Variants in PTPRT observed in about 807,000 individuals in gnomAD.
The protein encoded by PTPRT is protein tyrosine phosphatase receptor type T.
Under a neutral mutation model 176.8 loss-of-function variants are expected in PTPRT, and 56 were observed. The observed-to-expected ratio is 0.32, with a 90% CI of 0.26 to 0.40. The LOEUF (loss-of-function observed/expected upper bound fraction) is 0.40. PTPRT is among the 10% of genes least tolerant of loss of function. The probability of loss-of-function intolerance (pLI) is 1.00; values close to 1 mark genes in which losing one functional copy is unlikely to be tolerated. For missense variants in PTPRT, 1,540 were observed against 1,908.2 expected (o/e 0.81, Z 3.60); for synonymous variants, 783 against 739.0 (o/e 1.06, Z -0.96).
chr20:42,103,380 G>A (rs913488047), intron 25 of PTPRT, among the ~76,000 whole-genome samples: 9 of 152,356 alleles, frequency 5.9e-5, no homozygotes, highest in African/African-American at 1.7e-4. Flanking sequence ...GTCTGGGCCA[G>A]GTCCGAGATT....
At chr20:43,116,268 A>C (rs1188083916) in intron 1 of PTPRT, among the ~76,000 whole-genome samples, 6 of 152,076 alleles carry the variant, frequency 3.9e-5, no homozygotes, top group Admixed American at 3.9e-4. Flanking sequence ...GATACCACTG[A>C]CTCTCAGATA....
rs192112071 is a variant in PTPRT, at chr20:42,132,938, A to G, written c.2771-4108T>C. The stretch of plus-strand genomic sequence containing the variant: ...CAACCAATATGTCCTTCAATAGGTG[A>G]ATGGATAAACAAATTGTGGTGCAGA... On this transcript the variant is annotated intron_variant, in intron 18 of 30. Coordinates refer to ENST00000373187, the MANE Select transcript of PTPRT (RefSeq NM_007050.6). Among the ~76,000 whole-genome samples the G allele has an allele frequency of 1.6e-3, 245 of 152,360 alleles. 1 individual carries two copies. Among genetic ancestry groups the G allele is most frequent in the East Asian group, 1.9e-3 (10 of 5,188 alleles).
chr20:42,586,827 A>G (rs2145742498), intron 7 of PTPRT, among the ~76,000 whole-genome samples: 1 of 152,282 alleles, frequency 6.6e-6, no homozygotes, highest in South Asian at 2.1e-4. Context: ...ATAACCCGAG[A>G]CAGGGTGACC....
chr20:42,974,993 T>A (rs1484759998), intron 1 of PTPRT, among the ~76,000 whole-genome samples: 1 of 152,152 alleles, frequency 6.6e-6, no homozygotes, highest in African/African-American at 2.4e-5. Flanking sequence ...TAGAATGCAT[T>A]ATAGATTTAA....
intron 13 of PTPRT, among the ~76,000 whole-genome samples, chr20:42,265,352 C>T (rs2056821827): frequency 6.6e-6 from 1 of 152,094 alleles, no homozygotes; most frequent in Non-Finnish European, 1.5e-5. Flanking sequence ...ATCATCTGAC[C>T]CTCAGTTTCC....
At chr20:42,595,942 G>T (rs2073663061) in intron 7 of PTPRT, among the ~76,000 whole-genome samples, 1 of 152,118 alleles carries the variant, frequency 6.6e-6, no homozygotes, top group African/African-American at 2.4e-5. Context: ...CTGCCTACTT[G>T]TTCATTTTTA....
At chr20:42,616,120 C>T (rs368107287) in intron 7 of PTPRT, among the ~76,000 whole-genome samples, 1 of 127,146 alleles carries the variant, frequency 7.9e-6, no homozygotes. Flanking sequence ...TTGTATAAGG[C>T]ATAAGGAAGG....
chr20:42,584,716 A>T (rs1196078025), intron 7 of PTPRT, among the ~76,000 whole-genome samples: 1 of 152,178 alleles, frequency 6.6e-6, no homozygotes, highest in African/African-American at 2.4e-5. Context: ...AATTCTCCGC[A>T]AACAGAAACG....
At chr20:42,791,548 C>T (rs2077376492) in intron 2 of PTPRT, 82 bp from the exon 3 acceptor site, 1 of 1,433,634 alleles carries the variant, frequency 7.0e-7, no homozygotes, top group East Asian at 2.5e-5. Context: ...CACCCATAAA[C>T]ATGGTGGCCA....
At chr20:42,664,949 C>T (rs908719314) in intron 7 of PTPRT, among the ~76,000 whole-genome samples, 4 of 152,174 alleles carry the variant, frequency 2.6e-5, no homozygotes, top group South Asian at 4.1e-4. Context: ...AAAATTAATT[C>T]AAGATGGATT....
intron 2 of PTPRT, among the ~76,000 whole-genome samples, chr20:42,885,578 T>C (rs1211523069): frequency 6.6e-6 from 1 of 152,062 alleles, no homozygotes; most frequent in Non-Finnish European, 1.5e-5. Flanking sequence ...AAGCTTAGAA[T>C]CTCGACGCTA....
chr20:42,978,892 C>T (rs191781220), intron 1 of PTPRT, among the ~76,000 whole-genome samples: 29 of 152,290 alleles, frequency 1.9e-4, no homozygotes, highest in Admixed American at 9.8e-4. Flanking sequence ...ACCATAAAAA[C>T]GAGCAACCAG....
At chr20:42,919,023 C>T (rs1978976262) in intron 1 of PTPRT, among the ~76,000 whole-genome samples, 1 of 152,208 alleles carries the variant, frequency 6.6e-6, no homozygotes, top group Admixed American at 6.5e-5. Flanking sequence ...TCTCCCACGT[C>T]TCAGGGACTA....
At chr20:42,822,159 A>G (rs1205406087) in intron 2 of PTPRT, among the ~76,000 whole-genome samples, 1 of 152,206 alleles carries the variant, frequency 6.6e-6, no homozygotes, top group Non-Finnish European at 1.5e-5. Flanking sequence ...CTATACTACA[A>G]GGATACAGCA....
intron 1 of PTPRT, among the ~76,000 whole-genome samples, chr20:43,147,722 C>A (rs2014212643): frequency 6.6e-6 from 1 of 152,162 alleles, no homozygotes; most frequent in African/African-American, 2.4e-5. Context: ...CCAAGAGCAT[C>A]CCTTCTTCAT....
In PTPRT at chr20:42,990,296, C is replaced by T. The variant is rs200705963; in HGVS notation, c.89-104364G>A. Among the ~76,000 whole-genome samples, 13 of 152,002 alleles carry T rather than the reference C, an allele frequency of 8.6e-5. No homozygotes were observed. The East Asian group carries it at 1.4e-3, about 16-fold the overall frequency. The stretch of plus-strand genomic sequence containing the variant: ...TTTCCTAGCTGGCTTTCTAGAGAAA[C>T]GGTTGCCAACCTCTGATTTAGATAC... On this transcript the variant is annotated intron_variant, in intron 1 of 30. Transcript: ENST00000373187.
At chr20:42,128,302 C>T (rs1303725208) in intron 19 of PTPRT, among the ~76,000 whole-genome samples, 1 of 152,124 alleles carries the variant, frequency 6.6e-6, no homozygotes, top group Non-Finnish European at 1.5e-5. Context: ...TGACACTTAA[C>T]AATTTCTACT....
chr20:42,031,935 G>T, the PTPRT span, among the ~76,000 whole-genome samples: 1 of 152,008 alleles, frequency 6.6e-6, no homozygotes, highest in Admixed American at 6.6e-5. Flanking sequence ...GTAAATCTTC[G>T]CAACACTGTG....
chr20:42,795,546 G>A (rs1414344341), intron 2 of PTPRT, among the ~76,000 whole-genome samples: 2 of 152,150 alleles, frequency 1.3e-5, no homozygotes, highest in African/African-American at 2.4e-5. Flanking sequence ...GAGTGTGCTC[G>A]GGCGACTGGC....
Sources: allele counts gnomAD v4.1 joint callset (sites outside exome capture counted in the v4.1 genomes callset), GRCh38; gene constraint gnomAD v4.1.1; transcripts MANE v1.5; gene names NCBI Gene and HGNC (gene_info 2026-07-23, HGNC 2026-07-21).